Variants in FRMPD4 observed in about 807,000 individuals in gnomAD.
FRMPD4 encodes FERM and PDZ domain containing 4.
In FRMPD4, 22 loss-of-function variants were observed where a neutral mutation model predicts 94.1. The observed-to-expected ratio is 0.23, with a 90% CI of 0.17 to 0.33. FRMPD4 has a LOEUF of 0.33. Ranked by LOEUF, FRMPD4 falls within the 10% of genes least tolerant of loss-of-function variation. FRMPD4 has a pLI of 1.00. For missense variants in FRMPD4, 1,111 were observed against 1,339.9 expected (o/e 0.83, Z 2.67); for synonymous variants, 631 against 548.6 (o/e 1.15, Z -2.10).
At chrX:12,643,814 T>C (rs1025190661) in intron 4 of FRMPD4, among the ~76,000 whole-genome samples, 3 of 111,939 alleles carry the variant, frequency 2.7e-5, no homozygotes, top group East Asian at 2.8e-4. Context: ...AGGACCTGCA[T>C]TGGAGACCAA....
intron 1 of FRMPD4, among the ~76,000 whole-genome samples, chrX:11,849,816 A>G (rs1238425761): frequency 9.0e-6 from 1 of 111,471 alleles, no homozygotes; most frequent in Non-Finnish European, 1.9e-5. Flanking sequence ...TGCTAAAACT[A>G]TAAAACTCTT....
chrX:12,688,927 C>T (rs1471385886), intron 7 of FRMPD4, among the ~76,000 whole-genome samples: 1 of 109,493 alleles, frequency 9.1e-6, no homozygotes. Context: ...AGTTTTCACT[C>T]TAAGGTTTCC....
At chrX:11,955,600 G>C (rs1201490339) in intron 3 of FRMPD4, among the ~76,000 whole-genome samples, 2 of 110,135 alleles carry the variant, frequency 1.8e-5, no homozygotes, top group African/African-American at 6.6e-5. Context: ...AAATTAGCTG[G>C]GCGTGGTGGC....
At chrX:12,109,766 C>G (rs2055338545) in intron 3 of FRMPD4, among the ~76,000 whole-genome samples, 1 of 112,035 alleles carries the variant, frequency 8.9e-6, no homozygotes, top group Non-Finnish European at 1.9e-5. Context: ...GAAATACAAA[C>G]TACCATCAGA....
intron 2 of FRMPD4, among the ~76,000 whole-genome samples, chrX:12,602,822 G>T (rs978809086): frequency 1.3e-4 from 15 of 111,883 alleles, no homozygotes; most frequent in African/African-American, 4.5e-4. Context: ...GACGCTGGTG[G>T]GCAGTAAGAA....
intron 3 of FRMPD4, among the ~76,000 whole-genome samples, chrX:11,971,937 G>A (rs920350448): frequency 3.6e-5 from 4 of 112,010 alleles, no homozygotes; most frequent in African/African-American, 6.5e-5. Context: ...TAGGACTTTT[G>A]TTTGGTTGTT....
intron 2 of FRMPD4, among the ~76,000 whole-genome samples, chrX:12,567,926 A>G (rs1057232764): frequency 4.5e-5 from 5 of 111,862 alleles, no homozygotes; most frequent in African/African-American, 1.6e-4. Flanking sequence ...CATTCCATTG[A>G]CTGTTTCAAG....
intron 1 of FRMPD4, among the ~76,000 whole-genome samples, chrX:12,160,754 C>T (rs1382357259): frequency 2.7e-5 from 3 of 111,189 alleles, no homozygotes; most frequent in Non-Finnish European, 5.7e-5. Flanking sequence ...GTCATAATTT[C>T]TGGTACAAAA....
intron 1 of FRMPD4, among the ~76,000 whole-genome samples, chrX:12,298,431 C>T (rs775380630): frequency 8.9e-6 from 1 of 112,646 alleles, no homozygotes; most frequent in South Asian, 3.7e-4. Context: ...CAAGTTTCAA[C>T]TGGCATATCA....
chrX:11,867,435 C>A (rs775713453), intron 2 of FRMPD4, among the ~76,000 whole-genome samples: 3 of 111,305 alleles, frequency 2.7e-5, no homozygotes, highest in Non-Finnish European at 5.7e-5. Flanking sequence ...AGGCATATAT[C>A]AGCTGCAACA....
chrX:12,493,877 A>AGC (rs986004175), intron 1 of FRMPD4, among the ~76,000 whole-genome samples: 2 of 112,362 alleles, frequency 1.8e-5, no homozygotes, highest in African/African-American at 6.5e-5. Flanking sequence ...AAATGAGTCA[A>AGC]GCATTGTACT....
At chrX:12,083,201 A>AT (rs2147486120) in intron 3 of FRMPD4, among the ~76,000 whole-genome samples, 1 of 112,746 alleles carries the variant, frequency 8.9e-6, no homozygotes, top group South Asian at 3.6e-4. Flanking sequence ...CAGGGTTCCC[A>AT]TGCTGCGTGC....
intron 2 of FRMPD4, among the ~76,000 whole-genome samples, chrX:12,509,384 C>T (rs939373732): frequency 7.1e-5 from 8 of 111,966 alleles, no homozygotes; most frequent in South Asian, 3.7e-4. Context: ...TATATATATA[C>T]GATGGAATAC....
At chrX:11,956,014 G>A (rs1013423026) in intron 3 of FRMPD4, among the ~76,000 whole-genome samples, 2 of 112,089 alleles carry the variant, frequency 1.8e-5, no homozygotes, top group Admixed American at 1.9e-4. Context: ...GGGTCATGAA[G>A]GAGGCAGAAG....
intron 1 of FRMPD4, among the ~76,000 whole-genome samples, chrX:12,270,050 GA>G: frequency 8.9e-6 from 1 of 111,996 alleles, no homozygotes; most frequent in East Asian, 2.8e-4. Context: ...AATTCTCTCT[GA>G]AATTACTGAT....
chrX:12,453,976 T>C (rs756751119), intron 1 of FRMPD4, among the ~76,000 whole-genome samples: 10 of 112,605 alleles, frequency 8.9e-5, no homozygotes, highest in Non-Finnish European at 1.9e-4. Flanking sequence ...TTCCACATGT[T>C]CTATTTTGTA....
At chrX:12,663,050 T>C (rs2059734905) in intron 4 of FRMPD4, among the ~76,000 whole-genome samples, 1 of 112,423 alleles carries the variant, frequency 8.9e-6, no homozygotes, top group East Asian at 2.8e-4. Context: ...GATAGGGTTG[T>C]TTGGTTTTGT....
intron 2 of FRMPD4, among the ~76,000 whole-genome samples, chrX:12,576,312 A>G (rs2058811512): frequency 8.9e-6 from 1 of 112,879 alleles, no homozygotes; most frequent in African/African-American, 3.2e-5. Context: ...AAATAAGAAA[A>G]AGAGGTTTAA....
At chrX:12,255,811 C>T (rs2054105987) in intron 1 of FRMPD4, among the ~76,000 whole-genome samples, 1 of 111,771 alleles carries the variant, frequency 8.9e-6, no homozygotes, top group African/African-American at 3.3e-5. Flanking sequence ...AGTGGCCATA[C>T]TATAAATGGG....
Sources: allele counts gnomAD v4.1 joint callset (sites outside exome capture counted in the v4.1 genomes callset), GRCh38; gene constraint gnomAD v4.1.1; transcripts MANE v1.5; gene names NCBI Gene and HGNC (gene_info 2026-07-23, HGNC 2026-07-21).